Variants in PLCG2 observed in about 807,000 individuals in gnomAD.
PLCG2 encodes 1-phosphatidylinositol 4,5-bisphosphate phosphodiesterase gamma-2.
PLCG2 carries 69 observed loss-of-function variants against 175.6 expected under a neutral mutation model. That is an observed-to-expected ratio of 0.39 (90% CI 0.32 to 0.48). PLCG2 has a LOEUF of 0.48. Among genes scored for constraint, PLCG2 ranks in the 20% least tolerant of loss-of-function variants. The pLI is 0.91. For synonymous variants in PLCG2, 827 were observed against 624.0 expected (o/e 1.33, Z -4.85); for missense variants, 1,798 against 1,650.9 (o/e 1.09, Z -1.54).
chr16:81,823,374 G>T (rs1485818297), intron 2 of PLCG2, among the ~76,000 whole-genome samples: 1 of 152,192 alleles, frequency 6.6e-6, no homozygotes, highest in African/African-American at 2.4e-5. Context: ...TTCCTGTCTG[G>T]CCAGTCCCTG....
At chr16:81,931,889 G>A (rs1436964075) in intron 25 of PLCG2, among the ~76,000 whole-genome samples, 1 of 152,200 alleles carries the variant, frequency 6.6e-6, no homozygotes, top group East Asian at 1.9e-4. Flanking sequence ...ACCTTCAGAA[G>A]GCTGAGTGCC....
intron 2 of PLCG2, among the ~76,000 whole-genome samples, chr16:81,819,820 G>A (rs996374896): frequency 1.1e-4 from 17 of 152,140 alleles, no homozygotes; most frequent in African/African-American, 3.9e-4. Context: ...TCCTGACCTT[G>A]TGATCTGCCC....
intron 2 of PLCG2, among the ~76,000 whole-genome samples, chr16:81,850,916 T>G (rs926259095): frequency 5.9e-5 from 9 of 152,184 alleles, no homozygotes; most frequent in African/African-American, 2.2e-4. Context: ...GGCCCGCTTA[T>G]TTTTGTTTCC....
At chr16:81,802,337 C>A (rs1911766753) in intron 2 of PLCG2, among the ~76,000 whole-genome samples, 6 of 151,652 alleles carry the variant, frequency 4.0e-5, no homozygotes, top group Admixed American at 2.6e-4. Context: ...TGGTCTCGAT[C>A]TCCTGACCTC....
intron 25 of PLCG2, among the ~76,000 whole-genome samples, chr16:81,933,967 G>A (rs539447034): frequency 6.6e-6 from 1 of 152,374 alleles, no homozygotes; most frequent in African/African-American, 2.4e-5. Flanking sequence ...CTGATGGGCA[G>A]TCAGAGCTGG....
chr16:81,907,185 C>T (rs1434257155), intron 15 of PLCG2, among the ~76,000 whole-genome samples: 3 of 151,904 alleles, frequency 2.0e-5, no homozygotes, highest in Non-Finnish European at 4.4e-5. Flanking sequence ...AGAGTTTCTG[C>T]ATACCCTGCA....
At chr16:81,861,513 G>T (rs1906978873) in intron 5 of PLCG2, among the ~76,000 whole-genome samples, 1 of 152,204 alleles carries the variant, frequency 6.6e-6, no homozygotes, top group East Asian at 1.9e-4. Flanking sequence ...CTGTCCACCT[G>T]CCTTTCTCTC....
At chr16:81,836,026 T>C (rs1456050839) in intron 2 of PLCG2, among the ~76,000 whole-genome samples, 1 of 152,170 alleles carries the variant, frequency 6.6e-6, no homozygotes, top group Non-Finnish European at 1.5e-5. Context: ...CATTCACACA[T>C]ACCAGGGACT....
chr16:81,818,827 T>A (rs958601223), intron 2 of PLCG2, among the ~76,000 whole-genome samples: 1 of 149,556 alleles, frequency 6.7e-6, no homozygotes, highest in Non-Finnish European at 1.5e-5. Context: ...GGTATTTAGG[T>A]AGAATATGAA....
At chr16:81,921,425 A>G in intron 21 of PLCG2, 156 bp downstream of exon 21, 1 of 686,064 alleles carries the variant, frequency 1.5e-6, no homozygotes. Context: ...AGGATGATTG[A>G]TAATATCAAG....
At chr16:81,894,720 G>T (rs1217875860) in intron 12 of PLCG2, among the ~76,000 whole-genome samples, 1 of 151,828 alleles carries the variant, frequency 6.6e-6, no homozygotes, top group African/African-American at 2.4e-5. Context: ...TAAAAATACA[G>T]AAATTAGCCA....
intron 6 of PLCG2, 48 bp downstream of exon 6, chr16:81,869,346 T>C: frequency 2.2e-6 from 3 of 1,335,814 alleles, no homozygotes; most frequent in Non-Finnish European, 2.2e-6. Context: ...CGGAGTGACT[T>C]AGCCTCTCTC....
chr16:81,774,292 GTGAGCTGAGATCCAACCAC>G (rs1422282944), upstream of PLCG2, among the ~76,000 whole-genome samples: 1 of 150,686 alleles, frequency 6.6e-6, no homozygotes, highest in African/African-American at 2.4e-5. Flanking sequence ...AGAGGTTGCA[GTGAGCTGAGATCCAACCAC>G]TGCACTCCAG....
intron 31 of PLCG2, among the ~76,000 whole-genome samples, chr16:81,951,564 C>T (rs2143768360): frequency 6.6e-6 from 1 of 152,328 alleles, no homozygotes; most frequent in South Asian, 2.1e-4. Flanking sequence ...AATCCTTCTT[C>T]TGTCTTGAAG....
At chr16:81,855,035 C>A (rs566347930) in intron 3 of PLCG2, among the ~76,000 whole-genome samples, 5 of 151,818 alleles carry the variant, frequency 3.3e-5, no homozygotes, top group Admixed American at 1.3e-4. Flanking sequence ...CATGGTGAAA[C>A]CCTGTCTCTA....
At chr16:81,884,505 G>T (rs1050325646) in intron 9 of PLCG2, among the ~76,000 whole-genome samples, 32 of 152,092 alleles carry the variant, frequency 2.1e-4, no homozygotes, top group Middle Eastern at 3.2e-3. Context: ...ACCGACAGGT[G>T]GTTTACCCTT....
At chr16:81,846,298 C>T (rs1044482987) in intron 2 of PLCG2, among the ~76,000 whole-genome samples, 3 of 152,134 alleles carry the variant, frequency 2.0e-5, no homozygotes, top group Non-Finnish European at 2.9e-5. Flanking sequence ...CTCCAGACAT[C>T]CCCCCGCCAC....
chr16:81,750,939 C>T (rs911497196), intron 1 of PLCG2, among the ~76,000 whole-genome samples: 6 of 139,386 alleles, frequency 4.3e-5, no homozygotes, highest in African/African-American at 1.6e-4. Context: ...TCCCAAAGTG[C>T]TGGGATTACA....
At chr16:81,929,427 G>C (rs1283527728) in intron 24 of PLCG2, among the ~76,000 whole-genome samples, 1 of 152,088 alleles carries the variant, frequency 6.6e-6, no homozygotes, top group Non-Finnish European at 1.5e-5. Context: ...ATAGAGTCTC[G>C]CTGTGTCACC....
Sources: gnomAD v4.1 joint callset for allele counts (sites outside exome capture counted in the v4.1 genomes callset) on GRCh38, gnomAD v4.1.1 for gene constraint, MANE v1.5 for transcripts, NCBI Gene and HGNC (gene_info 2026-07-23, HGNC 2026-07-21) for gene names.